The following DLG2 variants were observed in gnomAD, a reference collection of about 807,000 sequenced individuals.
DLG2 encodes discs large MAGUK scaffold protein 2, also known as disks large homolog 2.
DLG2 carries 45 observed loss-of-function variants against 132.5 expected under a neutral mutation model. That is an observed-to-expected ratio of 0.34 (90% CI 0.27 to 0.44). DLG2 has a LOEUF of 0.44. Among genes scored for constraint, DLG2 ranks in the 20% least tolerant of loss-of-function variants. The probability of loss-of-function intolerance (pLI) is 1.00; values close to 1 mark genes in which losing one functional copy is unlikely to be tolerated. For synonymous variants in DLG2, 424 were observed against 419.6 expected, an observed-to-expected ratio of 1.01 and a Z score of -0.13; for missense variants, 1,045 against 1,196.9, an observed-to-expected ratio of 0.87 and a Z score of 1.87.
chr11:83,652,117 G>T (rs1202997193), intron 18 of DLG2: 2 of 288,330 alleles, frequency 6.9e-6, no homozygotes, highest in Non-Finnish European at 7.0e-6. Flanking sequence ...AAAAGGTTTT[G>T]TAAGTGATGT....
At chr11:83,688,832 C>A (rs2080317437) in intron 18 of DLG2, among the ~76,000 whole-genome samples, 1 of 152,050 alleles carries the variant, frequency 6.6e-6, no homozygotes, top group African/African-American at 2.4e-5. Context: ...AATTTGGGGA[C>A]CACCAATTTG....
intron 8 of DLG2, among the ~76,000 whole-genome samples, chr11:84,232,490 A>T (rs2097106519): frequency 1.3e-5 from 2 of 152,310 alleles, no homozygotes; most frequent in South Asian, 4.1e-4. Context: ...CCCCCCTAAA[A>T]TTCATATACT....
chr11:85,448,098 T>G (rs2092088022), intron 3 of DLG2, among the ~76,000 whole-genome samples: 1 of 152,190 alleles, frequency 6.6e-6, no homozygotes, highest in South Asian at 2.1e-4. Context: ...ACTCATAGTT[T>G]GACTCAAATG....
At chr11:85,299,971 A>G (rs1373833203) in intron 3 of DLG2, among the ~76,000 whole-genome samples, 2 of 152,218 alleles carry the variant, frequency 1.3e-5, no homozygotes, top group East Asian at 1.9e-4. Context: ...TATGTATGCC[A>G]TAGAATGCCT....
chr11:84,447,107 A>G (rs555866693), intron 7 of DLG2, among the ~76,000 whole-genome samples: 1 of 143,180 alleles, frequency 7.0e-6, no homozygotes, highest in South Asian at 2.2e-4. Context: ...ATGTTAGTCA[A>G]AAGTCACCAT....
At chr11:84,068,188 C>T (rs144971737) in intron 10 of DLG2, among the ~76,000 whole-genome samples, 19 of 152,326 alleles carry the variant, frequency 1.2e-4, no homozygotes, top group African/African-American at 3.8e-4. Flanking sequence ...GTATGGGCTT[C>T]GGACAGAAGG....
Position 83,791,188 on chromosome 11 carries a change from G to A in DLG2, c.1723-4396C>T, listed in dbSNP as rs565633004. 143 of 638,268 alleles carry A rather than the reference G, an allele frequency of 2.2e-4. 1 individual carries two copies. The East Asian group carries it at 3.7e-3, about 17-fold the overall frequency. 39.5% of individuals were successfully genotyped at this position (638,268 alleles called of 1,614,324 possible). On this transcript the variant is annotated intron_variant, in intron 17 of 27. Coordinates refer to ENST00000376104, the MANE Select transcript of DLG2 (RefSeq NM_001142699.3). ...ATGGCATGGGACTGCAGTGATGGCT[G>A]CGGAGGGAGGTGGCCTTATCGGCCT...
intron 5 of DLG2, among the ~76,000 whole-genome samples, chr11:85,132,062 T>C (rs1026981987): frequency 1.3e-5 from 2 of 152,170 alleles, no homozygotes; most frequent in African/African-American, 2.4e-5. Context: ...TATTTAGAAC[T>C]GATGACAGAA....
At chr11:84,933,147 T>A (rs1382829630) in intron 6 of DLG2, among the ~76,000 whole-genome samples, 1 of 152,192 alleles carries the variant, frequency 6.6e-6, no homozygotes, top group East Asian at 1.9e-4. Context: ...GTTGGCCACA[T>A]AAATGTTTTT....
intron 7 of DLG2, among the ~76,000 whole-genome samples, chr11:84,384,409 T>C (rs2098760562): frequency 6.6e-6 from 1 of 152,078 alleles, no homozygotes; most frequent in African/African-American, 2.4e-5. Flanking sequence ...GTTAAATGTA[T>C]AAATCTTCAA....
intron 6 of DLG2, among the ~76,000 whole-genome samples, chr11:84,862,008 A>G (rs11234220): frequency 0.85 from 117,626 of 139,142 alleles, 50,014 homozygotes; most frequent in Middle Eastern, 0.96. Context: ...GACACAGGAA[A>G]GGGAACATCA....
chr11:84,411,031 C>G (rs573664210), intron 7 of DLG2, among the ~76,000 whole-genome samples: 1 of 151,986 alleles, frequency 6.6e-6, no homozygotes, highest in Non-Finnish European at 1.5e-5. Flanking sequence ...AAATAAAAAC[C>G]ACATACCCTG....
chr11:85,480,864 G>A (rs1010726809), intron 3 of DLG2, among the ~76,000 whole-genome samples: 5 of 152,080 alleles, frequency 3.3e-5, no homozygotes, highest in Admixed American at 6.5e-5. Flanking sequence ...AAACTATCCT[G>A]CACACATGCA....
intron 17 of DLG2, among the ~76,000 whole-genome samples, chr11:83,808,888 A>C (rs2046588587): frequency 6.6e-6 from 1 of 151,458 alleles, no homozygotes. Flanking sequence ...CACCTCTGTG[A>C]TCCTCTCCTG....
At chr11:85,536,232 A>T (rs939760328) in intron 3 of DLG2, among the ~76,000 whole-genome samples, 1 of 151,702 alleles carries the variant, frequency 6.6e-6, no homozygotes, top group African/African-American at 2.4e-5. Context: ...AAAAAAAAAA[A>T]AAAAAAGTTT....
chr11:84,656,822 A>C (rs985824699), intron 6 of DLG2, among the ~76,000 whole-genome samples: 31 of 152,170 alleles, frequency 2.0e-4, no homozygotes, highest in African/African-American at 7.0e-4. Context: ...AAAAAAATGC[A>C]TTTAAAATAC....
chr11:84,629,093 A>G (rs1244795868), intron 6 of DLG2, among the ~76,000 whole-genome samples: 1 of 152,138 alleles, frequency 6.6e-6, no homozygotes, highest in Non-Finnish European at 1.5e-5. Flanking sequence ...CTTTCCTGCA[A>G]CTGCCTGTTA....
intron 18 of DLG2, among the ~76,000 whole-genome samples, chr11:83,765,840 T>G (rs1333027972): frequency 6.6e-6 from 1 of 152,148 alleles, no homozygotes; most frequent in Non-Finnish European, 1.5e-5. Flanking sequence ...AAAGTTAAGG[T>G]ATTAGAATTG....
intron 17 of DLG2, among the ~76,000 whole-genome samples, chr11:83,788,020 C>T (rs1256975160): frequency 6.6e-6 from 1 of 152,168 alleles, no homozygotes; most frequent in Non-Finnish European, 1.5e-5. Flanking sequence ...TTCTAACCTA[C>T]AAAAAACTAA....
Sources: gnomAD v4.1 joint callset for allele counts (sites outside exome capture counted in the v4.1 genomes callset) on GRCh38, gnomAD v4.1.1 for gene constraint, MANE v1.5 for transcripts, NCBI Gene and HGNC (gene_info 2026-07-23, HGNC 2026-07-21) for gene names.